Variants in RASSF3 observed in about 807,000 individuals in gnomAD.
The protein encoded by RASSF3 is ras association domain-containing protein 3.
A neutral mutation model predicts 19.9 loss-of-function variants in RASSF3; 19 were observed. The ratio of observed to expected loss-of-function variants is 0.96; its 90% CI spans 0.67 to 1.40. The LOEUF is 1.40. RASSF3 is among the 40% of genes most tolerant of loss of function. RASSF3 has a pLI of 0.00. For missense variants in RASSF3, 306 were observed against 289.8 expected (o/e 1.06, Z -0.41); for synonymous variants, 110 against 104.2 (o/e 1.06, Z -0.34).
chr12:64,513,128 TAA>T lies in RASSF3; in HGVS notation c.169+5802_169+5803del, dbSNP rs1868338315. On this transcript the variant is annotated intron_variant, in intron 1 of 5. Coordinates refer to the RASSF3 transcript ENST00000637125. ...ACATATAACACATTGGACAAGCAGCTAAAAGACAGGAGAGATGTTAAAAGCCA... is the reference window on the plus strand; with the variant it reads ...ACATATAACACATTGGACAAGCAGCTAAGACAGGAGAGATGTTAAAAGCCA... Among the ~76,000 whole-genome samples, 5 of 152,078 alleles carry T rather than the reference TAA, an allele frequency of 3.3e-5. No individual in the cohort carries two copies. In the South Asian group the frequency reaches 1.0e-3, roughly 32 times the overall value.
chr12:64,586,988 C>G (rs987876874), intron 2 of RASSF3, among the ~76,000 whole-genome samples: 1 of 151,786 alleles, frequency 6.6e-6, no homozygotes, highest in Non-Finnish European at 1.5e-5. Flanking sequence ...GTCAAATGCT[C>G]TATCTCCAAG....
intron 2 of RASSF3, among the ~76,000 whole-genome samples, chr12:64,578,295 A>G (rs977697788): frequency 6.6e-6 from 1 of 152,098 alleles, no homozygotes; most frequent in African/African-American, 2.4e-5. Context: ...TAAATGCTTT[A>G]TGTACGTTAA....
chr12:64,561,715 C>T (rs868129303), intron 2 of RASSF3, among the ~76,000 whole-genome samples: 2 of 127,606 alleles, frequency 1.6e-5, no homozygotes, highest in East Asian at 2.3e-4. Flanking sequence ...TAGCATTTAT[C>T]TTTTTTTTTT....
At chr12:64,575,365 A>G (rs2136132075) in intron 2 of RASSF3, among the ~76,000 whole-genome samples, 1 of 152,328 alleles carries the variant, frequency 6.6e-6, no homozygotes, top group East Asian at 1.9e-4. Flanking sequence ...CATCCTGGCT[A>G]ACACAGTCAA....
chr12:64,546,002 A>G (rs1207507545), downstream of RASSF3, among the ~76,000 whole-genome samples: 4 of 148,664 alleles, frequency 2.7e-5, no homozygotes, highest in Non-Finnish European at 3.0e-5. Context: ...AGGCTGAGGC[A>G]GGAGAATGGC....
intron 2 of RASSF3, among the ~76,000 whole-genome samples, chr12:64,585,136 G>A (rs1869773446): frequency 6.6e-6 from 1 of 151,926 alleles, no homozygotes; most frequent in Non-Finnish European, 1.5e-5. Flanking sequence ...TGCCTGCCTC[G>A]GCCTCCCAGA....
rs1314940792 is a variant in RASSF3, at chr12:64,695,378, A to G, written c.*466A>G. 1 of 152,964 alleles carries G rather than the reference A, an allele frequency of 6.5e-6. No homozygotes were observed. The highest frequency in any genetic ancestry group is 1.5e-5 in the Non-Finnish European group (1 of 68,636). The allele number at this position is 152,964 out of a possible 1,614,324, so 9.5% of individuals were successfully genotyped here. ...TCTTTTTTTAATGTCAGAGGAATCT[A>G]TCCATGTGAATCGAAAGGCACAGGA... On this transcript the variant is annotated 3_prime_UTR_variant, in exon 5 of 5. Transcript: ENST00000542104.
At chr12:64,662,638 A>G (rs1204404079) in intron 1 of RASSF3, among the ~76,000 whole-genome samples, 1 of 152,262 alleles carries the variant, frequency 6.6e-6, no homozygotes, top group Non-Finnish European at 1.5e-5. Context: ...CAAGAAGTAA[A>G]TAAAGCTTCC....
At chr12:64,594,190 CA>C (rs1869965317) in intron 2 of RASSF3, among the ~76,000 whole-genome samples, 2 of 151,782 alleles carry the variant, frequency 1.3e-5, no homozygotes, top group African/African-American at 4.8e-5. Flanking sequence ...AAAAATTAGC[CA>C]GGCATGGTGG....
At chr12:64,600,359 C>T (rs1009192364) in intron 2 of RASSF3, among the ~76,000 whole-genome samples, 3 of 152,070 alleles carry the variant, frequency 2.0e-5, no homozygotes, top group Admixed American at 6.6e-5. Context: ...TTTTGTCCCC[C>T]CTGTGGGCTT....
intron 1 of RASSF3, among the ~76,000 whole-genome samples, chr12:64,681,779 A>G (rs1229177238): frequency 6.6e-6 from 1 of 152,140 alleles, no homozygotes; most frequent in Non-Finnish European, 1.5e-5. Flanking sequence ...TTAGGAGACT[A>G]AGGTGGGAGG....
intron 2 of RASSF3, among the ~76,000 whole-genome samples, chr12:64,587,402 G>A (rs1032346108): frequency 2.6e-5 from 4 of 152,074 alleles, no homozygotes; most frequent in African/African-American, 9.7e-5. Flanking sequence ...AGTTGCATGT[G>A]TATGTGGTTC....
chr12:64,560,123 G>A (rs765786567), intron 2 of RASSF3, among the ~76,000 whole-genome samples: 6 of 152,218 alleles, frequency 3.9e-5, no homozygotes, highest in Non-Finnish European at 8.8e-5. Context: ...GGAGGGTTCA[G>A]AGGGCTCTGC....
intron 2 of RASSF3, among the ~76,000 whole-genome samples, chr12:64,686,248 T>C (rs1227227072): frequency 2.6e-5 from 4 of 151,882 alleles, no homozygotes; most frequent in African/African-American, 9.7e-5. Flanking sequence ...ATTTTAAAGA[T>C]AAAAATTTTA....
intron 1 of RASSF3, among the ~76,000 whole-genome samples, chr12:64,671,767 C>G (rs895866470): frequency 1.3e-5 from 2 of 152,228 alleles, no homozygotes; most frequent in East Asian, 1.9e-4. Context: ...GGGCCCATGC[C>G]GTGCCTGTAC....
intron 1 of RASSF3, among the ~76,000 whole-genome samples, chr12:64,625,759 C>T (rs563903284): frequency 6.6e-6 from 1 of 152,246 alleles, no homozygotes; most frequent in South Asian, 2.1e-4. Context: ...TCTGTTCTCT[C>T]TCCACAGAGT....
At chr12:64,600,033 C>CAAAAAA (rs34515445) in intron 2 of RASSF3, among the ~76,000 whole-genome samples, 71 of 63,862 alleles carry the variant, frequency 1.1e-3, no homozygotes, top group Middle Eastern at 7.8e-3. Flanking sequence ...GACTCCATCT[C>CAAAAAA]AAAAAAAAAA....
At chr12:64,527,144 G>A (rs1868605085) in intron 1 of RASSF3, among the ~76,000 whole-genome samples, 1 of 152,162 alleles carries the variant, frequency 6.6e-6, no homozygotes, top group Admixed American at 6.5e-5. Context: ...AGCTCATGCT[G>A]TCCTCCTCTG....
chr12:64,665,148 A>G (rs1244371230), intron 1 of RASSF3, among the ~76,000 whole-genome samples: 1 of 152,244 alleles, frequency 6.6e-6, no homozygotes, highest in Non-Finnish European at 1.5e-5. Flanking sequence ...GGAAGGTTCT[A>G]GGAGTTGCAT....
Sources: allele counts gnomAD v4.1 joint callset (sites outside exome capture counted in the v4.1 genomes callset), GRCh38; gene constraint gnomAD v4.1.1; transcripts MANE v1.5; gene names NCBI Gene and HGNC (gene_info 2026-07-23, HGNC 2026-07-21).